The following ACYP1 variants were observed in gnomAD, a reference collection of about 807,000 sequenced individuals.
The protein encoded by ACYP1 is acylphosphatase-1.
A neutral mutation model predicts 10.4 loss-of-function variants in ACYP1; 8 were observed. That is an observed-to-expected ratio of 0.77 (90% CI 0.45 to 1.38). The LOEUF (loss-of-function observed/expected upper bound fraction) is 1.38. ACYP1 is among the 40% of genes most tolerant of loss of function. The pLI is 0.00. For synonymous variants in ACYP1, 38 were observed against 40.8 expected, an observed-to-expected ratio of 0.93 and a Z score of 0.26; for missense variants, 93 against 117.3, an observed-to-expected ratio of 0.79 and a Z score of 0.96.
chr14:75,063,464 A>C lies in ACYP1; in HGVS notation c.84+6T>G, dbSNP rs72734301. On this transcript the variant is annotated splice_donor_region_variant and intron_variant, in intron 2 of 2. Coordinates refer to ENST00000238618, the MANE Select transcript of ACYP1 (RefSeq NM_001107.5). ...GTTACCACCCCAAAGCCTGCAGGCC[A>C]CATACCTGAGTATGCTTACGGAAAA... 9.6e-3 allele frequency: 15,407 copies of C among 1,612,626 alleles called. 95 individuals are homozygous for C. The highest frequency in any genetic ancestry group is 0.011 in the Non-Finnish European group (13,472 of 1,178,896).
upstream of ACYP1, among the ~76,000 whole-genome samples, chr14:75,065,513 T>C (rs1469993784): frequency 1.3e-5 from 2 of 152,210 alleles, no homozygotes; most frequent in Non-Finnish European, 2.9e-5. Context: ...TTCTCTAAAA[T>C]TCATTTAAAA....
At chr14:75,065,653 T>A (rs1893130333), upstream of ACYP1, among the ~76,000 whole-genome samples, 1 of 152,132 alleles carries the variant, frequency 6.6e-6, no homozygotes, top group Admixed American at 6.5e-5. Context: ...CACAAATGCA[T>A]GCAAATAATG....
At chr14:75,062,188 T>G (rs1412611451) in intron 2 of ACYP1, among the ~76,000 whole-genome samples, 6 of 145,524 alleles carry the variant, frequency 4.1e-5, no homozygotes, top group Non-Finnish European at 6.0e-5. Context: ...CCCAGCACAC[T>G]GGTGGGAGGC....
chr14:75,067,662 A>G (rs567106363), upstream of ACYP1, among the ~76,000 whole-genome samples: 185 of 152,228 alleles, frequency 1.2e-3, no homozygotes, highest in Non-Finnish European at 2.3e-3. Context: ...GTTAAAACCA[A>G]AGAGACAGAG....
intron 2 of ACYP1, among the ~76,000 whole-genome samples, chr14:75,055,519 C>T (rs1272843481): frequency 2.0e-5 from 3 of 151,328 alleles, no homozygotes; most frequent in African/African-American, 7.3e-5. Context: ...ATGTTATTGA[C>T]TCATGTTCAG....
exon 1 of ACYP1, chr14:75,069,480 G>C (rs992521759): frequency 6.0e-6 from 3 of 497,034 alleles, no homozygotes; most frequent in Non-Finnish European, 1.0e-5. Context: ...AGAGTTGGCC[G>C]GACACTGACT....
intron 2 of ACYP1, among the ~76,000 whole-genome samples, chr14:75,062,659 C>CAAAA (rs534860020): frequency 7.5e-4 from 78 of 103,362 alleles, no homozygotes; most frequent in East Asian, 2.1e-3. Flanking sequence ...ACTAAAAATA[C>CAAAA]AAAAAAAAAA....
chr14:75,069,212 G>A (rs1447951098), exon 1 of ACYP1: 44 of 1,515,606 alleles, frequency 2.9e-5, no homozygotes, highest in Non-Finnish European at 3.9e-5. Context: ...AGCCATACCT[G>A]GGGCCCGCCC....
upstream of ACYP1, among the ~76,000 whole-genome samples, chr14:75,067,023 T>C (rs1033392120): frequency 6.6e-6 from 1 of 152,148 alleles, no homozygotes; most frequent in Non-Finnish European, 1.5e-5. Context: ...TTGAGGTTCC[T>C]AAGGAACAAT....
At chr14:75,068,634 C>A (rs189584689), upstream of ACYP1, among the ~76,000 whole-genome samples, 1 of 151,646 alleles carries the variant, frequency 6.6e-6, no homozygotes, top group African/African-American at 2.4e-5. Context: ...ATAATCGGGA[C>A]CCTGAGTGGA....
intron 2 of ACYP1, among the ~76,000 whole-genome samples, chr14:75,055,401 G>T (rs1394839032): frequency 6.6e-6 from 1 of 151,254 alleles, no homozygotes; most frequent in Non-Finnish European, 1.5e-5. Context: ...CTGAACTCTT[G>T]AGAGTTGAAC....
At chr14:75,063,714 G>A (rs1226873071) in intron 1 of ACYP1, among the ~76,000 whole-genome samples, 153 bp from the exon 2 acceptor site, 2 of 152,164 alleles carry the variant, frequency 1.3e-5, no homozygotes, top group East Asian at 1.9e-4. Flanking sequence ...GTGAGTGGAT[G>A]TGATAAGGTG....
intron 2 of ACYP1, among the ~76,000 whole-genome samples, chr14:75,059,324 C>T (rs1409623156): frequency 6.6e-6 from 1 of 151,696 alleles, no homozygotes; most frequent in African/African-American, 2.4e-5. Context: ...ATGGGGAAAC[C>T]CAGTTGCTAC....
At chr14:75,057,964 C>CAAAAAAAAAAAAAAAAAAAAAA (rs769312151) in intron 2 of ACYP1, among the ~76,000 whole-genome samples, 1 of 38,804 alleles carries the variant, frequency 2.6e-5, no homozygotes, top group African/African-American at 1.1e-4. Context: ...GACTCTGTCT[C>CAAAAAAAAAAAAAAAAAAAAAA]AAAAAAAAAA....
At chr14:75,069,428 GC>G in exon 1 of ACYP1, 2 of 670,360 alleles carry the variant, frequency 3.0e-6, no homozygotes, top group South Asian at 4.4e-5. Flanking sequence ...AGCCTCTCCC[GC>G]CCCTCCCCGG....
At chr14:75,056,767 A>G (rs1169754946) in intron 2 of ACYP1, among the ~76,000 whole-genome samples, 3 of 151,626 alleles carry the variant, frequency 2.0e-5, no homozygotes, top group Non-Finnish European at 4.4e-5. Context: ...AACAAAAGCT[A>G]TATGATCATC....
In ACYP1 at chr14:75,054,982, T is replaced by G. The variant is rs1270174870; in HGVS notation, c.85-1323A>C. On this transcript the variant is annotated intron_variant, in intron 2 of 2. Coordinates refer to ENST00000238618, the MANE Select transcript of ACYP1 (RefSeq NM_001107.5). ...CTATCTCCAGTTCTTAAGAGTTATCTTATATGGTAAATAGCTGTAAGAATG... is the reference window on the plus strand; with the variant it reads ...CTATCTCCAGTTCTTAAGAGTTATCGTATATGGTAAATAGCTGTAAGAATG... Among the ~76,000 whole-genome samples, 6 of 151,444 alleles carry G rather than the reference T, an allele frequency of 4.0e-5. 1 individual carries two copies. The highest frequency in any genetic ancestry group is 8.8e-5 in the Non-Finnish European group (6 of 67,980).
At chr14:75,068,330 A>G (rs574314875), upstream of ACYP1, among the ~76,000 whole-genome samples, 1 of 152,140 alleles carries the variant, frequency 6.6e-6, no homozygotes, top group Non-Finnish European at 1.5e-5. Context: ...AAAAAACCCC[A>G]AAAACCAACA....
intron 2 of ACYP1, chr14:75,060,322 A>G: frequency 1.6e-6 from 1 of 638,668 alleles, no homozygotes; most frequent in South Asian, 1.8e-5. Context: ...GATGGCTAAC[A>G]TAAAAGACAG....
Sources: gnomAD v4.1 joint callset for allele counts (sites outside exome capture counted in the v4.1 genomes callset) on GRCh38, gnomAD v4.1.1 for gene constraint, MANE v1.5 for transcripts, NCBI Gene and HGNC (gene_info 2026-07-23, HGNC 2026-07-21) for gene names.